The following PCDHGB3 variants were observed in gnomAD, a reference collection of about 807,000 sequenced individuals.
The protein encoded by PCDHGB3 is protocadherin gamma subfamily B, 3.
PCDHGB3 carries 40 observed loss-of-function variants against 59.2 expected under a neutral mutation model. The ratio of observed to expected loss-of-function variants is 0.68; its 90% CI spans 0.52 to 0.88. PCDHGB3 has a LOEUF of 0.88. PCDHGB3 is among the 40% of genes least tolerant of loss of function. The pLI, the probability that PCDHGB3 is intolerant of heterozygous loss-of-function variation, is 0.00. For missense variants in PCDHGB3, 1,309 were observed against 1,187.9 expected, an observed-to-expected ratio of 1.10 and a Z score of -1.50; for synonymous variants, 581 against 503.6, an observed-to-expected ratio of 1.15 and a Z score of -2.06.
At chr5:141,404,192 A>G in intron 1 of PCDHGB3, 1 of 1,613,574 alleles carries the variant, frequency 6.2e-7, no homozygotes. Flanking sequence ...TGACCGAGAA[A>G]AAGCCTCAGA....
At chr5:141,509,096 T>C (rs1364889034) in intron 3 of PCDHGB3, among the ~76,000 whole-genome samples, 1 of 152,124 alleles carries the variant, frequency 6.6e-6, no homozygotes, top group African/African-American at 2.4e-5. Context: ...ATGGGGGCTG[T>C]AGAAACCTGA....
chr5:141,419,830 T>G, intron 1 of PCDHGB3: 1 of 1,614,052 alleles, frequency 6.2e-7, no homozygotes, highest in African/African-American at 1.3e-5. Context: ...TTTCAGCCAC[T>G]GCCACGCTGC....
Position 141,423,358 on chromosome 5 carries a change from G to A in PCDHGB3, c.2415+50549G>A, listed in dbSNP as rs202010010. The A allele has an allele frequency of 2.3e-4, 371 of 1,614,078 alleles. 1 individual carries two copies. The highest frequency in any genetic ancestry group is 2.8e-4 in the Non-Finnish European group (334 of 1,180,024). ...CTGCATCTTCCTGGTCTTTGTCATC[G>A]TGCTGCTGGCACTCAGGCTGTGGCG... On this transcript the variant is annotated intron_variant, in intron 1 of 3. Coordinates refer to ENST00000576222, the MANE Select transcript of PCDHGB3 (RefSeq NM_018924.5).
intron 1 of PCDHGB3, chr5:141,410,849 C>CTTTTTTTTTTTTTTGTTTTTTTT (rs2095434772): frequency 7.7e-6 from 1 of 129,786 alleles, no homozygotes; most frequent in Admixed American, 1.1e-4. Flanking sequence ...TTGTCTTTGT[C>CTTTTTTTTTTTTTTGTTTTTTTT]TTTTTTTTTT....
At chr5:141,388,611 A>T (rs773007125) in intron 1 of PCDHGB3, 13 of 1,613,850 alleles carry the variant, frequency 8.1e-6, no homozygotes, top group Non-Finnish European at 6.8e-6. Context: ...TCCAGTGTTC[A>T]GTCAAGACGT....
intron 1 of PCDHGB3, among the ~76,000 whole-genome samples, chr5:141,481,037 G>A (rs1438691746): frequency 2.0e-5 from 3 of 152,050 alleles, no homozygotes; most frequent in East Asian, 3.9e-4. Context: ...CAGCCTGGGC[G>A]ACAGAGCGAG....
chr5:141,453,609 G>A (rs1208329212), intron 1 of PCDHGB3, among the ~76,000 whole-genome samples: 3 of 151,900 alleles, frequency 2.0e-5, no homozygotes, highest in South Asian at 4.2e-4. Context: ...TTTGCAAAAC[G>A]CAAAAACAAA....
intron 1 of PCDHGB3, among the ~76,000 whole-genome samples, chr5:141,438,636 ACACACAC>A: frequency 3.9e-5 from 1 of 25,700 alleles, no homozygotes; most frequent in African/African-American, 1.5e-4. Flanking sequence ...ATATATATAT[ACACACAC>A]ACACACACAT....
Position 141,371,003 on chromosome 5 carries a change from A to G in PCDHGB3, c.609A>G (p.Glu203=), listed in dbSNP as rs945261754. ...ELVLKAPLDR[E]EQPHHHLVLT... is the part of the protein sequence containing the mutation. The stretch of plus-strand genomic sequence containing the variant: ...TACTGAAAGCACCCCTGGACAGGGA[A>G]GAGCAGCCACATCACCACCTGGTCC... The change falls in exon 1 of 4, where the codon GAA becomes GAG. Residue 203 remains glutamate (E), a synonymous_variant. Transcript: ENST00000576222. 1.2e-5 allele frequency: 20 copies of G among 1,613,844 alleles called. No individual in the cohort carries two copies. Among genetic ancestry groups the G allele is most frequent in the Non-Finnish European group, 1.6e-5 (19 of 1,179,902 alleles).
Position 141,415,037 on chromosome 5 carries a change from T to G in PCDHGB3, c.2415+42228T>G, listed in dbSNP as rs775779136. The G allele has an allele frequency of 5.0e-6, 8 of 1,613,384 alleles. No homozygotes were observed. In the Admixed American group the frequency reaches 8.3e-5, roughly 17 times the overall value. ...CTCAAGGCCAGCGAGCCGGGACTCT[T>G]CGCGGTGGGGGAGCACACGGGCGAG... is the stretch of plus-strand genomic sequence containing the variant. On this transcript the variant is annotated intron_variant, in intron 1 of 3. Coordinates refer to ENST00000576222, the MANE Select transcript of PCDHGB3 (RefSeq NM_018924.5).
intron 1 of PCDHGB3, chr5:141,375,779 G>A (rs749559180): frequency 1.9e-6 from 3 of 1,614,176 alleles, no homozygotes; most frequent in South Asian, 1.1e-5. Flanking sequence ...CCTGTACCCC[G>A]CCCTCCCCAC....
At position 141,432,156 on chromosome 5, in the gene PCDHGB3, C is replaced by A; in HGVS notation, c.2415+59347C>A. On this transcript the variant is annotated intron_variant, in intron 1 of 3. Transcript: ENST00000576222. This position sits in a 1 kb window ranked among gnomAD's most constrained non-coding sequence, Gnocchi z 6.0. Reference sequence around the variant, plus strand: ...TCCGCTTATATCCCAGAGAACAATCCCAGAGGAGTTTCCCTCGTCTCTGTG... The same window carrying A: ...TCCGCTTATATCCCAGAGAACAATCACAGAGGAGTTTCCCTCGTCTCTGTG... The A allele has an allele frequency of 6.2e-7, 1 of 1,614,142 alleles. No homozygotes were observed. Among genetic ancestry groups the A allele is most frequent in the East Asian group, 2.2e-5 (1 of 44,874 alleles).
intron 1 of PCDHGB3, chr5:141,398,032 C>A: frequency 6.8e-7 from 1 of 1,469,940 alleles, no homozygotes; most frequent in South Asian, 1.4e-5. Flanking sequence ...GGAACTGGAA[C>A]TAAAGCCCGT....
chr5:141,403,241 G>C, intron 1 of PCDHGB3: 1 of 1,613,956 alleles, frequency 6.2e-7, no homozygotes. Flanking sequence ...GGAGCTCTGT[G>C]CTCAGAGCCC....
intron 1 of PCDHGB3, chr5:141,422,327 T>C (rs1561800795): frequency 1.3e-6 from 2 of 1,548,652 alleles, no homozygotes; most frequent in African/African-American, 2.8e-5. Context: ...GGTACAGTGA[T>C]TGCTCTTCTA....
chr5:141,400,473 G>T (rs1196529035), intron 1 of PCDHGB3: 1 of 1,613,946 alleles, frequency 6.2e-7, no homozygotes, highest in Non-Finnish European at 8.5e-7. Context: ...ATTCATCTGG[G>T]GCCTTATTTC....
In PCDHGB3 at chr5:141,414,957, G is replaced by C. The variant is rs550492051; in HGVS notation, c.2415+42148G>C. 9.2e-5 allele frequency: 148 copies of C among 1,614,018 alleles called. No homozygotes were observed. Among genetic ancestry groups the C allele is most frequent in the Non-Finnish European group, 1.2e-4 (144 of 1,180,044 alleles). ...CAGAGCCCGGCTACCTGGTGACCAA[G>C]GTGGTGGCGGTGGACAGAGACTCCG... is the stretch of plus-strand genomic sequence containing the variant. On this transcript the variant is annotated intron_variant, in intron 1 of 3. Coordinates refer to ENST00000576222, the MANE Select transcript of PCDHGB3 (RefSeq NM_018924.5).
rs1301787934 is a variant in PCDHGB3 at position 141,476,164 on chromosome 5, A to G, written c.2416-18643A>G. Reference sequence around the variant, plus strand: ...GCGGACTGGTAAGCACCGGGAGGGTAGTGGGAGTTTTGCTTCTGCTTGGTG... The same window carrying G: ...GCGGACTGGTAAGCACCGGGAGGGTGGTGGGAGTTTTGCTTCTGCTTGGTG... On this transcript the variant is annotated intron_variant, in intron 1 of 3. Transcript: ENST00000576222. This position sits in a 1 kb window ranked among gnomAD's most constrained non-coding sequence, Gnocchi z 7.6. 6.2e-7 allele frequency: 1 copy of G among 1,613,116 alleles called. No individual in the cohort carries two copies.
intron 1 of PCDHGB3, chr5:141,418,417 T>C: frequency 6.2e-7 from 1 of 1,614,002 alleles, no homozygotes; most frequent in Non-Finnish European, 8.5e-7. Flanking sequence ...AAGACAATCC[T>C]GATGGTGGCA....
Sources: allele counts gnomAD v4.1 joint callset (sites outside exome capture counted in the v4.1 genomes callset), GRCh38; gene constraint gnomAD v4.1.1; non-coding constraint Gnocchi (gnomAD v3.1); transcripts MANE v1.5; gene names NCBI Gene and HGNC (gene_info 2026-07-23, HGNC 2026-07-21).